CFAP57: variants seen among roughly 807,000 people sequenced by gnomAD.
The protein encoded by CFAP57 is cilia- and flagella-associated protein 57.
In CFAP57, 116 loss-of-function variants were observed where a neutral mutation model predicts 146.8. The observed-to-expected ratio is 0.79, with a 90% CI of 0.68 to 0.92. The LOEUF (loss-of-function observed/expected upper bound fraction) is 0.92, where lower values mean the gene tolerates loss of function less well. Among genes scored for constraint, CFAP57 ranks in the 40% least tolerant of loss-of-function variants. CFAP57 has a pLI of 0.00. For missense variants in CFAP57, 1,377 were observed against 1,527.2 expected, an observed-to-expected ratio of 0.90 and a Z score of 1.64; for synonymous variants, 518 against 552.8, an observed-to-expected ratio of 0.94 and a Z score of 0.88.
rs1646384438 is a variant in CFAP57 at position 43,254,100 on chromosome 1, A to G, written c.3662A>G (p.Gln1221Arg). The G allele has an allele frequency of 1.3e-6, 2 of 1,550,734 alleles. No individual in the cohort carries two copies. Among genetic ancestry groups the G allele is most frequent in the African/African-American group, 2.7e-5 (2 of 73,150 alleles). ...CGCCTCAGAGACCAGATCCAAGAGC[A>G]AGAGCAGGTCACAGGGTTCCACACC... The part of the protein sequence containing the change: ...IQRLRDQIQE[Q>R]EQVTGFHTLA... Residue 1221 changes from glutamine (Q) to arginine (R), a missense_variant, in exon 23 of 23, where the codon CAA becomes CGA. Physicochemically the swap from Gln to Arg is conservative, Grantham distance 43. Coordinates refer to ENST00000372492, the MANE Select transcript of CFAP57 (RefSeq NM_001378189.1).
chr1:43,217,641 C>T (rs77039338), intron 12 of CFAP57, among the ~76,000 whole-genome samples: 2,344 of 152,230 alleles, frequency 0.015, 28 homozygotes, highest in Middle Eastern at 0.027. Context: ...TCTCCAACCT[C>T]TCCATTCCTC....
chr1:43,216,050 C>T (rs1332773177), intron 12 of CFAP57, among the ~76,000 whole-genome samples: 1 of 152,160 alleles, frequency 6.6e-6, no homozygotes, highest in Admixed American at 6.5e-5. Context: ...GTGCATAGCT[C>T]TGTGTTACGC....
In CFAP57 at chr1:43,198,579, G is replaced by T; in HGVS notation, c.1361G>T (p.Arg454Leu). ...GTAGTAGGGTTTGCTGACAAACTAC[G>T]CCTCATGAATCTACTCATTGATGAT... is the stretch of plus-strand genomic sequence containing the variant. ...FIVVGFADKL[R>L]LMNLLIDDIR... The change falls in exon 8 of 23, where the codon CGC becomes CTC. Residue 454 changes from arginine to leucine, a missense_variant. By Grantham distance (102) the Arg-to-Leu change is moderately radical (BLOSUM62 -2). Transcript: ENST00000372492. The T allele has an allele frequency of 6.2e-7, 1 of 1,614,002 alleles. No individual in the cohort carries two copies. The highest frequency in any genetic ancestry group is 8.5e-7 in the Non-Finnish European group (1 of 1,179,974).
At chr1:43,214,012 G>A (rs773701455) in intron 11 of CFAP57, among the ~76,000 whole-genome samples, 3 of 151,174 alleles carry the variant, frequency 2.0e-5, no homozygotes, top group Non-Finnish European at 2.9e-5. Context: ...TCAGCCTCCC[G>A]AGTAGCTGGG....
Position 43,197,836 on chromosome 1 carries a change from C to T in CFAP57, c.1262+144C>T. 1.3e-5 allele frequency: 16 copies of T among 1,195,784 alleles called. No homozygotes were observed. In the South Asian group the frequency reaches 2.0e-4, roughly 15 times the overall value. The allele number at this position is 1,195,784 out of a possible 1,614,324, so 74.1% of individuals were successfully genotyped here. Reference sequence around the variant, plus strand: ...ATTTTTAAAAAATCAAGTCAGTCAACCTACCTGTTTCTCACTCTTGCGTGG... The same window carrying T: ...ATTTTTAAAAAATCAAGTCAGTCAATCTACCTGTTTCTCACTCTTGCGTGG... On this transcript the variant is annotated intron_variant, in intron 7 of 22. Coordinates refer to ENST00000372492, the MANE Select transcript of CFAP57 (RefSeq NM_001378189.1).
At position 43,172,839 on chromosome 1, in the gene CFAP57, T is replaced by C; in HGVS notation, c.86T>C (p.Ile29Thr). 1.2e-6 allele frequency: 2 copies of C among 1,614,136 alleles called. No homozygotes were observed. Among genetic ancestry groups the C allele is most frequent in the Non-Finnish European group, 1.7e-6 (2 of 1,179,960 alleles). ...AATATCTTCTACTTCGATGAACAGA[T>C]CATTATATTTCCTTCAGGAAATCAC... ...ANNIFYFDEQ[I>T]IIFPSGNHCV... Residue 29 changes from isoleucine (I) to threonine (T), a missense_variant, in exon 2 of 23, where the codon ATC becomes ACC. Ile to Thr is a moderately conservative substitution (Grantham distance 89). Transcript: ENST00000372492.
rs1453222215 is a variant in CFAP57, at chr1:43,254,281, C to T, written c.*90C>T. 9 of 1,149,008 alleles carry T rather than the reference C, an allele frequency of 7.8e-6. No homozygotes were observed. The highest frequency in any genetic ancestry group is 9.7e-6 in the Non-Finnish European group (8 of 821,598). The allele number at this position is 1,149,008 out of a possible 1,614,324, so 71.2% of individuals were successfully genotyped here. A position where few individuals can be genotyped will look rare whatever the true frequency, so the allele number is the denominator to read the frequency against. On this transcript the variant is annotated 3_prime_UTR_variant, in exon 23 of 23. Transcript: ENST00000372492. The stretch of plus-strand genomic sequence containing the variant: ...GACTTGCGGTTGGAGTCTGTATGGT[C>T]CCTGCAGCACTGACCCCAGCAACCT...
At chr1:43,217,481 A>G (rs151337195) in intron 12 of CFAP57, among the ~76,000 whole-genome samples, 150 of 152,226 alleles carry the variant, frequency 9.9e-4, no homozygotes, top group African/African-American at 3.4e-3. Flanking sequence ...TGCTAGTTTT[A>G]TGCTAGGTTC....
chr1:43,223,500 C>T (rs1263601079), intron 16 of CFAP57, among the ~76,000 whole-genome samples: 1 of 152,122 alleles, frequency 6.6e-6, no homozygotes, highest in East Asian at 1.9e-4. Context: ...GTTTTTAGTT[C>T]ACTCACCATC....
chr1:43,252,325 A>G (rs1431351379), intron 22 of CFAP57, among the ~76,000 whole-genome samples: 1 of 152,182 alleles, frequency 6.6e-6, no homozygotes, highest in East Asian at 1.9e-4. Flanking sequence ...AACTTCAGAC[A>G]AGGTCTCTGC....
Position 43,197,633 on chromosome 1 carries a change from AC to A in CFAP57, c.1207del (p.Ile404Ter). The A allele has an allele frequency of 1.9e-6, 3 of 1,613,998 alleles. No homozygotes were observed. The highest frequency in any genetic ancestry group is 2.5e-6 in the Non-Finnish European group (3 of 1,180,016). On this transcript the variant is annotated frameshift_variant, in exon 7 of 23. Coordinates refer to ENST00000372492, the MANE Select transcript of CFAP57 (RefSeq NM_001378189.1). LOFTEE classifies it high-confidence loss of function. ...ITGLATCIRK[P>X]LIATCSLDRS... is the part of the protein sequence containing the mutation. Reference sequence around the variant, plus strand: ...CCGGTCTAGCTACCTGCATCCGCAAACCCCTTATAGCCACCTGTTCTCTGGA... The same window carrying A: ...CCGGTCTAGCTACCTGCATCCGCAAACCCTTATAGCCACCTGTTCTCTGGA...
Position 43,232,527 on chromosome 1 carries a change from A to C in CFAP57, c.3029A>C (p.Asn1010Thr), listed in dbSNP as rs1557816310. ...CTACAGATGGAAGCTGAACTGGAGA[A>C]TTTCCATAAGCAGAACACTCAACTG... ...QIQEMEAELE[N>T]FHKQNTQLEL... Residue 1010 changes from asparagine to threonine, a missense_variant, in exon 19 of 23, where the codon AAT (asparagine) becomes ACT (threonine). Physicochemically the swap from Asn to Thr is moderately conservative, Grantham distance 65 (BLOSUM62 0). Coordinates refer to ENST00000372492, the MANE Select transcript of CFAP57 (RefSeq NM_001378189.1). The C allele has an allele frequency of 6.5e-7, 1 of 1,550,302 alleles. No homozygotes were observed. The highest frequency in any genetic ancestry group is 8.7e-7 in the Non-Finnish European group (1 of 1,146,756).
intron 2 of CFAP57, among the ~76,000 whole-genome samples, chr1:43,178,142 A>G (rs1645243824): frequency 6.6e-6 from 1 of 152,234 alleles, no homozygotes; most frequent in African/African-American, 2.4e-5. Context: ...TTAATTCAAG[A>G]TGGATTAAAG....
rs552400312 is a variant in CFAP57, at chr1:43,182,304, C to T, written c.474+454C>T. On this transcript the variant is annotated intron_variant, in intron 3 of 22. Transcript: ENST00000372492. ...GCTGAAGTTGCAGTTATGTAAGGAA[C>T]AGAACCTTCTATTGTGTCTCGAGGG... is the stretch of plus-strand genomic sequence containing the variant. Among the ~76,000 whole-genome samples, 3 of 152,280 alleles carry T rather than the reference C, an allele frequency of 2.0e-5. No homozygotes were observed. The East Asian group carries it at 5.8e-4, about 29-fold the overall frequency.
intron 2 of CFAP57, among the ~76,000 whole-genome samples, chr1:43,174,802 C>T (rs1333703636): frequency 1.3e-5 from 2 of 152,234 alleles, no homozygotes; most frequent in Non-Finnish European, 2.9e-5. Flanking sequence ...GGAAACCAAG[C>T]CAGACCCTGT....
chr1:43,209,628 T>A (rs971492434), intron 10 of CFAP57, 115 bp from the exon 11 acceptor site: 21 of 1,113,912 alleles, frequency 1.9e-5, no homozygotes, highest in Middle Eastern at 2.6e-4. Flanking sequence ...GAAAAAGCAT[T>A]TTTTAAAGAC....
chr1:43,224,048 C>T lies in CFAP57; in HGVS notation c.2709C>T (p.Phe903=), dbSNP rs866663675. The part of the protein sequence containing the change: ...KGETGIMRKK[F]SSLQKEIEER... ...GTTGTTGCTGTTCGCTTTTCTAGTT[C>T]AGCAGCCTACAGAAGGAGATTGAAG... Residue 903 remains phenylalanine (F), a splice_region_variant and synonymous_variant, in exon 17 of 23, where the codon TTC becomes TTT. Coordinates refer to ENST00000372492, the MANE Select transcript of CFAP57 (RefSeq NM_001378189.1). 6.5e-7 allele frequency: 1 copy of T among 1,550,364 alleles called. No individual in the cohort carries two copies. Among genetic ancestry groups the T allele is most frequent in the Non-Finnish European group, 8.7e-7 (1 of 1,146,890 alleles).
In CFAP57 at chr1:43,185,199, T is replaced by C; in HGVS notation, c.812T>C (p.Met271Thr). Residue 271 changes from methionine (M) to threonine (T), a missense_variant, in exon 5 of 23, where the codon ATG (methionine) becomes ACG (threonine). Coordinates refer to ENST00000372492, the MANE Select transcript of CFAP57 (RefSeq NM_001378189.1). ...VSSPLPSYEQMVAASSHSQMS... is the reference protein window; with the variant it reads ...VSSPLPSYEQTVAASSHSQMS... ...TCTCCACTCCCTTCCTATGAACAGA[T>C]GGTGGCGGCCAGTAGCCATAGCCAG... 1 of 1,614,196 alleles carries C rather than the reference T, an allele frequency of 6.2e-7. No homozygotes were observed. Among genetic ancestry groups the C allele is most frequent in the Non-Finnish European group, 8.5e-7 (1 of 1,180,038 alleles).
intron 6 of CFAP57, among the ~76,000 whole-genome samples, chr1:43,192,868 G>A (rs1409516556): frequency 4.0e-5 from 6 of 151,848 alleles, no homozygotes; most frequent in East Asian, 1.9e-4. Flanking sequence ...TGGAGGTTGC[G>A]GTGAGCCGAG....
Sources: allele counts gnomAD v4.1 joint callset (sites outside exome capture counted in the v4.1 genomes callset), GRCh38; gene constraint gnomAD v4.1.1; transcripts MANE v1.5; gene names NCBI Gene and HGNC (gene_info 2026-07-23, HGNC 2026-07-21).